Variants in BBS9 observed in about 807,000 individuals in gnomAD.
The protein encoded by BBS9 is Bardet-Biedl syndrome 9.
A neutral mutation model predicts 117.7 loss-of-function variants in BBS9; 89 were observed. The ratio of observed to expected loss-of-function variants is 0.76; its 90% CI spans 0.64 to 0.90. BBS9 has a LOEUF of 0.90. BBS9 is among the 40% of genes least tolerant of loss of function. The pLI, the probability that BBS9 is intolerant of heterozygous loss-of-function variation, is 0.00. For missense variants in BBS9, 982 were observed against 1,042.2 expected (o/e 0.94, Z 0.80); for synonymous variants, 379 against 370.9 (o/e 1.02, Z -0.25).
intron 19 of BBS9, among the ~76,000 whole-genome samples, chr7:33,498,506 T>G (rs1352970634): frequency 6.6e-6 from 1 of 152,120 alleles, no homozygotes; most frequent in Non-Finnish European, 1.5e-5. Flanking sequence ...CACTTCCCAT[T>G]CCTCCTATTT....
rs546309502 is a variant in BBS9 at position 33,488,768 on chromosome 7, G to C, written c.2116-16695G>C. Among the ~76,000 whole-genome samples the C allele has an allele frequency of 7.2e-5, 11 of 152,158 alleles. No individual in the cohort carries two copies. In the East Asian group the frequency reaches 1.7e-3, roughly 24 times the overall value. ...GATATAGTAAATTTCTTCTGTTCTA[G>C]CCCTGAAATTCTGATTCTGTGATTG... On this transcript the variant is annotated intron_variant, in intron 19 of 22. Coordinates refer to ENST00000242067, the MANE Select transcript of BBS9 (RefSeq NM_198428.3).
chr7:33,535,845 A>G (rs1851282996), intron 21 of BBS9, among the ~76,000 whole-genome samples: 1 of 152,142 alleles, frequency 6.6e-6, no homozygotes, highest in African/African-American at 2.4e-5. Flanking sequence ...GGGATGGCCC[A>G]TCTGATTGGC....
chr7:33,304,770 T>G lies in BBS9; in HGVS notation c.1016+30814T>G, dbSNP rs557421389. ...GTAGAAAGAAGTAGACATAGGAGACTCCATTTTGTTCTATACTAAGGAAAA... is the reference window on the plus strand; with the variant it reads ...GTAGAAAGAAGTAGACATAGGAGACGCCATTTTGTTCTATACTAAGGAAAA... On this transcript the variant is annotated intron_variant, in intron 9 of 22. Transcript: ENST00000242067. 3.3e-5 allele frequency among the ~76,000 whole-genome samples: 5 copies of G among 152,296 alleles called. No individual in the cohort carries two copies. The South Asian group carries it at 1.0e-3, about 32-fold the overall frequency.
At chr7:33,626,351 T>C (rs564264432) in intron 21 of BBS9, among the ~76,000 whole-genome samples, 1 of 152,318 alleles carries the variant, frequency 6.6e-6, no homozygotes, top group East Asian at 1.9e-4. Context: ...TGTGGTTCCT[T>C]ATAGCAATGC....
At chr7:33,232,262 A>G (rs1792602307) in intron 5 of BBS9, among the ~76,000 whole-genome samples, 1 of 152,178 alleles carries the variant, frequency 6.6e-6, no homozygotes, top group African/African-American at 2.4e-5. Flanking sequence ...CTCTAAAGTT[A>G]TATCATTTTA....
At chr7:33,528,296 A>G in intron 20 of BBS9, among the ~76,000 whole-genome samples, 1 of 151,872 alleles carries the variant, frequency 6.6e-6, no homozygotes. Context: ...CTGCCACAAA[A>G]TCTCCATTTG....
intron 21 of BBS9, among the ~76,000 whole-genome samples, chr7:33,585,541 C>G (rs1860739358): frequency 6.6e-6 from 1 of 152,030 alleles, no homozygotes; most frequent in Non-Finnish European, 1.5e-5. Flanking sequence ...AAGCTTTTTA[C>G]AGCTTAGTTT....
In BBS9 at chr7:33,508,194, C is replaced by T. The variant is rs537909427; in HGVS notation, c.2298+2549C>T. Among the ~76,000 whole-genome samples the T allele has an allele frequency of 2.9e-4, 44 of 152,276 alleles. 1 individual carries two copies. The South Asian group carries it at 8.1e-3, about 28-fold the overall frequency. Reference sequence around the variant, plus strand: ...TGTGCCTATCTTCCAGTGCTCTCTACCTTCAGCTTACTGATGAGAAAGGAA... The same window carrying T: ...TGTGCCTATCTTCCAGTGCTCTCTATCTTCAGCTTACTGATGAGAAAGGAA... On this transcript the variant is annotated intron_variant, in intron 20 of 22. Transcript: ENST00000242067.
Position 33,274,057 on chromosome 7 carries a change from C to G in BBS9, c.1016+101C>G, listed in dbSNP as rs1053667567. 101 of 1,308,840 alleles carry G rather than the reference C, an allele frequency of 7.7e-5. 2 individuals are homozygous for G. In the Admixed American group the frequency reaches 1.8e-3, roughly 23 times the overall value. The allele number at this position is 1,308,840 out of a possible 1,614,324, so 81.1% of individuals were successfully genotyped here. A position where few individuals can be genotyped will look rare whatever the true frequency, so the allele number is the denominator to read the frequency against. On this transcript the variant is annotated intron_variant, in intron 9 of 22. Coordinates refer to ENST00000242067, the MANE Select transcript of BBS9 (RefSeq NM_198428.3). Reference sequence around the variant, plus strand: ...GACAAGTGATTTTATTAAAAAATTACAGGTGACATTGTAGTATGAATGTCA... The same window carrying G: ...GACAAGTGATTTTATTAAAAAATTAGAGGTGACATTGTAGTATGAATGTCA...
intron 6 of BBS9, among the ~76,000 whole-genome samples, chr7:33,258,306 T>C (rs1797420351): frequency 6.6e-6 from 1 of 152,234 alleles, no homozygotes; most frequent in Non-Finnish European, 1.5e-5. Flanking sequence ...GGGAAGAAGA[T>C]ATAAATTCAT....
At chr7:33,531,770 T>C (rs1231428228) in intron 20 of BBS9, among the ~76,000 whole-genome samples, 1 of 152,232 alleles carries the variant, frequency 6.6e-6, no homozygotes, top group Non-Finnish European at 1.5e-5. Context: ...AGTTTTCTGT[T>C]GGTTACACAT....
chr7:33,163,891 C>T (rs1795253306), intron 4 of BBS9, among the ~76,000 whole-genome samples: 1 of 152,088 alleles, frequency 6.6e-6, no homozygotes, highest in Non-Finnish European at 1.5e-5. Flanking sequence ...TATGTTTTCT[C>T]TTGCTTCTCT....
intron 17 of BBS9, among the ~76,000 whole-genome samples, chr7:33,381,992 A>G (rs1257116177): frequency 6.6e-6 from 1 of 152,186 alleles, no homozygotes; most frequent in Non-Finnish European, 1.5e-5. Context: ...AACATAAAGA[A>G]ATATTTTATA....
intron 5 of BBS9, among the ~76,000 whole-genome samples, chr7:33,195,272 G>GGGCT (rs1161541505): frequency 6.6e-6 from 1 of 152,148 alleles, no homozygotes; most frequent in Non-Finnish European, 1.5e-5. Flanking sequence ...TGATTGGGCA[G>GGGCT]GGCTGATGTG....
intron 1 of BBS9, among the ~76,000 whole-genome samples, chr7:33,134,861 G>T (rs1259015216): frequency 3.3e-5 from 5 of 152,142 alleles, no homozygotes; most frequent in Non-Finnish European, 7.3e-5. Context: ...CTCCCAAAGT[G>T]TTGGGATTAC....
intron 19 of BBS9, among the ~76,000 whole-genome samples, chr7:33,472,736 A>G (rs1841227074): frequency 6.6e-6 from 1 of 152,188 alleles, no homozygotes; most frequent in Non-Finnish European, 1.5e-5. Context: ...TTTATCTTGT[A>G]GTTCTTGGAT....
At chr7:33,249,031 T>C (rs1301676418) in intron 5 of BBS9, among the ~76,000 whole-genome samples, 2 of 152,198 alleles carry the variant, frequency 1.3e-5, no homozygotes, top group African/African-American at 4.8e-5. Flanking sequence ...ACATGTAGCA[T>C]GCTGAGTAAT....
At chr7:33,300,548 C>G (rs1292254462) in intron 9 of BBS9, among the ~76,000 whole-genome samples, 1 of 150,020 alleles carries the variant, frequency 6.7e-6, no homozygotes, top group Non-Finnish European at 1.5e-5. Context: ...AAGGCTCTTT[C>G]CTTGCAGTTG....
intron 9 of BBS9, among the ~76,000 whole-genome samples, chr7:33,277,459 A>G (rs1457756240): frequency 6.6e-6 from 1 of 152,210 alleles, no homozygotes; most frequent in Non-Finnish European, 1.5e-5. Context: ...TGGGCCAGAT[A>G]CTGTAACCCC....
Sources: gnomAD v4.1 joint callset for allele counts (sites outside exome capture counted in the v4.1 genomes callset) on GRCh38, gnomAD v4.1.1 for gene constraint, MANE v1.5 for transcripts, NCBI Gene and HGNC (gene_info 2026-07-23, HGNC 2026-07-21) for gene names.